Variants in SPAG16 observed in about 807,000 individuals in gnomAD.
SPAG16 encodes the protein sperm-associated antigen 16 protein.
Under a neutral mutation model 80.4 loss-of-function variants are expected in SPAG16, and 86 were observed. The observed-to-expected ratio is 1.07, with a 90% CI of 0.90 to 1.28. The LOEUF is 1.28. Among genes scored for constraint, SPAG16 ranks in the 50% most tolerant of loss-of-function variants. SPAG16 has a pLI of 0.00. For synonymous variants in SPAG16, 294 were observed against 265.9 expected, an observed-to-expected ratio of 1.11 and a Z score of -1.03; for missense variants, 870 against 765.3, an observed-to-expected ratio of 1.14 and a Z score of -1.61.
intron 12 of SPAG16, among the ~76,000 whole-genome samples, chr2:213,956,129 T>C (rs969193492): frequency 6.6e-6 from 1 of 151,820 alleles, no homozygotes; most frequent in Non-Finnish European, 1.5e-5. Flanking sequence ...CTAATTTTTG[T>C]ATTATTAGTA....
At chr2:213,827,636 T>G (rs2556326) in intron 10 of SPAG16, among the ~76,000 whole-genome samples, 44,942 of 151,920 alleles carry the variant, frequency 0.3, 6,794 homozygotes, top group Middle Eastern at 0.4. Flanking sequence ...CTTCAGATGA[T>G]TTCTTATTGC....
chr2:213,827,548 T>A (rs1665599561), intron 10 of SPAG16, among the ~76,000 whole-genome samples: 1 of 151,854 alleles, frequency 6.6e-6, no homozygotes, highest in Non-Finnish European at 1.5e-5. Context: ...AACATATGAG[T>A]AATCTACACA....
intron 15 of SPAG16, chr2:214,240,744 T>TA (rs1045952913): frequency 1.9e-4 from 29 of 152,154 alleles, no homozygotes; most frequent in Non-Finnish European, 3.7e-4. Context: ...TCAGTCATCA[T>TA]AAAAAATATA....
At chr2:213,371,027 A>G (rs1236241415) in intron 8 of SPAG16, among the ~76,000 whole-genome samples, 3 of 152,184 alleles carry the variant, frequency 2.0e-5, no homozygotes, top group African/African-American at 7.2e-5. Context: ...ACTTTTCCCT[A>G]AGCTTCTGAT....
At chr2:213,782,330 G>A (rs2070043953) in intron 10 of SPAG16, among the ~76,000 whole-genome samples, 1 of 151,850 alleles carries the variant, frequency 6.6e-6, no homozygotes, top group Admixed American at 6.6e-5. Flanking sequence ...AAGATTATAT[G>A]GAAACAGGGA....
chr2:214,153,114 G>A (rs980191564), intron 15 of SPAG16, among the ~76,000 whole-genome samples: 8 of 151,942 alleles, frequency 5.3e-5, no homozygotes, highest in Non-Finnish European at 1.0e-4. Context: ...TCCCTTTCCC[G>A]GTCTGCTAAG....
At chr2:213,922,445 T>C (rs562173303) in intron 11 of SPAG16, among the ~76,000 whole-genome samples, 13 of 152,338 alleles carry the variant, frequency 8.5e-5, no homozygotes, top group African/African-American at 2.9e-4. Flanking sequence ...CTGTGATTCT[T>C]AGCTTCCTTG....
intron 14 of SPAG16, among the ~76,000 whole-genome samples, chr2:214,109,956 T>G (rs1308653652): frequency 6.6e-6 from 1 of 152,186 alleles, no homozygotes; most frequent in Non-Finnish European, 1.5e-5. Flanking sequence ...CATTTTATTT[T>G]GGCAAGCAAT....
intron 10 of SPAG16, among the ~76,000 whole-genome samples, chr2:213,491,860 C>G (rs2074247409): frequency 6.6e-6 from 1 of 152,164 alleles, no homozygotes; most frequent in Non-Finnish European, 1.5e-5. Context: ...TTGTAACAAT[C>G]TTCACTAGTT....
intron 9 of SPAG16, among the ~76,000 whole-genome samples, chr2:213,387,318 T>G (rs972849523): frequency 2.6e-5 from 4 of 151,076 alleles, no homozygotes; most frequent in African/African-American, 9.8e-5. Flanking sequence ...ATTAAAAGTA[T>G]TTTAAGAAAA....
intron 12 of SPAG16, among the ~76,000 whole-genome samples, chr2:213,934,013 G>A (rs2078884233): frequency 6.6e-6 from 1 of 152,132 alleles, no homozygotes; most frequent in Admixed American, 6.5e-5. Flanking sequence ...CAGTTCAGAA[G>A]GAAGGCAGAG....
intron 10 of SPAG16, among the ~76,000 whole-genome samples, chr2:213,576,705 T>C (rs992225095): frequency 2.6e-5 from 4 of 152,056 alleles, no homozygotes; most frequent in African/African-American, 9.7e-5. Flanking sequence ...CCATTATCCT[T>C]AGCAAACTAA....
chr2:214,323,803 T>C (rs1274725294), intron 15 of SPAG16, among the ~76,000 whole-genome samples: 27 of 152,344 alleles, frequency 1.8e-4, no homozygotes, highest in Non-Finnish European at 1.5e-5. Context: ...AATTATAAAA[T>C]GCAAGGGCTA....
chr2:213,389,581 G>A (rs2067629435), intron 9 of SPAG16, among the ~76,000 whole-genome samples: 1 of 152,008 alleles, frequency 6.6e-6, no homozygotes, highest in Admixed American at 6.5e-5. Context: ...TCCAAAAAAG[G>A]ACTTTAATAA....
chr2:213,294,247 TAA>T (rs773800479), intron 1 of SPAG16, among the ~76,000 whole-genome samples: 1 of 152,174 alleles, frequency 6.6e-6, no homozygotes, highest in Non-Finnish European at 1.5e-5. Context: ...AGTAGGGTGT[TAA>T]ATAAGAAGTA....
At chr2:213,430,314 A>T (rs936440644) in intron 9 of SPAG16, among the ~76,000 whole-genome samples, 1 of 152,224 alleles carries the variant, frequency 6.6e-6, no homozygotes, top group African/African-American at 2.4e-5. Context: ...GAAGAAAAAG[A>T]AATGAAGAAG....
At chr2:214,386,907 CTACTT>C (rs1460259904) in intron 15 of SPAG16, among the ~76,000 whole-genome samples, 1 of 143,404 alleles carries the variant, frequency 7.0e-6, no homozygotes, top group African/African-American at 3.0e-5. Flanking sequence ...ATAGGGAGAA[CTACTT>C]TGCTTTTGAC....
chr2:213,397,052 T>A (rs561860573), intron 9 of SPAG16, among the ~76,000 whole-genome samples: 1 of 152,350 alleles, frequency 6.6e-6, no homozygotes, highest in Admixed American at 6.5e-5. Flanking sequence ...TAGATTTTCC[T>A]TCATGATAGT....
chr2:214,059,202 A>ATATATATATGTATGTG (rs2050110198), intron 13 of SPAG16, among the ~76,000 whole-genome samples: 2 of 107,328 alleles, frequency 1.9e-5, no homozygotes, highest in African/African-American at 7.2e-5. Flanking sequence ...ATATATATAT[A>ATATATATATGTATGTG]TATATATATA....
Sources: gnomAD v4.1 joint callset for allele counts (sites outside exome capture counted in the v4.1 genomes callset) on GRCh38, gnomAD v4.1.1 for gene constraint, MANE v1.5 for transcripts, NCBI Gene and HGNC (gene_info 2026-07-23, HGNC 2026-07-21) for gene names.